Variants in UNC79 observed in about 807,000 individuals in gnomAD.
UNC79 encodes the protein unc-79 subunit of NALCN channel complex.
In UNC79, 37 loss-of-function variants were observed where a neutral mutation model predicts 283.1. The observed-to-expected ratio is 0.13, with a 90% CI of 0.10 to 0.17. UNC79 has a LOEUF of 0.17. Among genes scored for constraint, UNC79 ranks in the 10% least tolerant of loss-of-function variants. The pLI, the probability that UNC79 is intolerant of heterozygous loss-of-function variation, is 1.00. For missense variants in UNC79, 2,272 were observed against 3,211.1 expected (o/e 0.71, Z 7.07); for synonymous variants, 1,107 against 1,200.2 (o/e 0.92, Z 1.61).
At chr14:93,589,398 A>G (rs1376406645) in intron 22 of UNC79, among the ~76,000 whole-genome samples, 1 of 152,042 alleles carries the variant, frequency 6.6e-6, no homozygotes, top group East Asian at 1.9e-4. Flanking sequence ...AAGAGTATGG[A>G]AAAGAGGGCA....
At chr14:93,368,002 T>C (rs574890800) in intron 1 of UNC79, among the ~76,000 whole-genome samples, 2 of 152,258 alleles carry the variant, frequency 1.3e-5, no homozygotes, top group Non-Finnish European at 2.9e-5. Flanking sequence ...TTTACACATT[T>C]ATGTAAAATT....
At chr14:93,478,882 A>T (rs1487507101) in intron 4 of UNC79, among the ~76,000 whole-genome samples, 1 of 152,126 alleles carries the variant, frequency 6.6e-6, no homozygotes, top group Non-Finnish European at 1.5e-5. Context: ...ACATTTGCTT[A>T]TTTTTACAAT....
chr14:93,651,412 A>G (rs1420912457), intron 35 of UNC79, among the ~76,000 whole-genome samples: 2 of 152,190 alleles, frequency 1.3e-5, no homozygotes, highest in South Asian at 2.1e-4. Flanking sequence ...TGAACATGGT[A>G]TATATCTCAT....
At chr14:93,636,907 G>A (rs748414122) in intron 31 of UNC79, among the ~76,000 whole-genome samples, 4 of 152,052 alleles carry the variant, frequency 2.6e-5, no homozygotes, top group Admixed American at 6.5e-5. Context: ...TTAGCCTTTC[G>A]TTTCCTATCT....
At chr14:93,665,889 C>T (rs2072146326) in intron 40 of UNC79, among the ~76,000 whole-genome samples, 1 of 151,624 alleles carries the variant, frequency 6.6e-6, no homozygotes, top group Non-Finnish European at 1.5e-5. Context: ...GGAAAGTGAA[C>T]CAAGAAGGAA....
At position 93,503,636 on chromosome 14, in the gene UNC79, C is replaced by T. The variant is rs574678898; in HGVS notation, c.898+6350C>T. ...AGAAGTATCTTATGATTATAATTTG[C>T]ATTTCCCTGATTACTAGTGAAGCTG... is the stretch of plus-strand genomic sequence containing the variant. On this transcript the variant is annotated intron_variant, in intron 7 of 48. Coordinates refer to ENST00000555664, the Ensembl canonical transcript of UNC79. Among the ~76,000 whole-genome samples, 15 of 152,120 alleles carry T rather than the reference C, an allele frequency of 9.9e-5. No homozygotes were observed. In the East Asian group the frequency reaches 2.7e-3, roughly 27 times the overall value.
At chr14:93,358,587 A>G (rs2054157978) in intron 1 of UNC79, among the ~76,000 whole-genome samples, 1 of 152,048 alleles carries the variant, frequency 6.6e-6, no homozygotes. Context: ...AAAGAATGGG[A>G]CCCTGCAACT....
At chr14:93,432,184 A>G (rs926774879) in intron 1 of UNC79, among the ~76,000 whole-genome samples, 1 of 152,256 alleles carries the variant, frequency 6.6e-6, no homozygotes, top group Non-Finnish European at 1.5e-5. Context: ...TATCTTATAT[A>G]TGATAAAATG....
chr14:93,362,314 C>A lies in UNC79; in HGVS notation c.-351+28791C>A, dbSNP rs558543044. The stretch of plus-strand genomic sequence containing the variant: ...TAATTCAGCTATGAATCCATCTGGT[C>A]CAGGGATTCTTATGGTTGGTAGGTT... On this transcript the variant is annotated intron_variant, in intron 1 of 49. Transcript: ENST00000256339. Among the ~76,000 whole-genome samples, 4 of 152,062 alleles carry A rather than the reference C, an allele frequency of 2.6e-5. No homozygotes were observed. The East Asian group carries it at 7.7e-4, about 29-fold the overall frequency.
chr14:93,521,168 C>T (rs2060302853), intron 7 of UNC79, among the ~76,000 whole-genome samples: 1 of 151,914 alleles, frequency 6.6e-6, no homozygotes, highest in Non-Finnish European at 1.5e-5. Context: ...AAATGACCCT[C>T]CTAAAGTTTC....
chr14:93,677,532 T>C (rs1193184518), intron 41 of UNC79, among the ~76,000 whole-genome samples: 2 of 152,208 alleles, frequency 1.3e-5, no homozygotes, highest in South Asian at 4.1e-4. Flanking sequence ...CACCATTCAA[T>C]TATCTCCACC....
Position 93,531,633 on chromosome 14 carries a change from GA to G in UNC79, c.1094-916del, listed in dbSNP as rs2060826950. ...AGCTGGTTTTACACACACACGTTAA[GA>G]GTGATATAAATTGATAATTTAAATC... On this transcript the variant is annotated intron_variant, in intron 10 of 48. Coordinates refer to ENST00000555664, the Ensembl canonical transcript of UNC79. The surrounding 1 kb of genome is among the most constrained non-coding windows in gnomAD (Gnocchi z 4.2). 1.3e-5 allele frequency among the ~76,000 whole-genome samples: 2 copies of G among 152,334 alleles called. No homozygotes were observed. Among genetic ancestry groups the G allele is most frequent in the Admixed American group, 6.5e-5 (1 of 15,302 alleles).
At chr14:93,608,642 A>T (rs2066062994) in intron 26 of UNC79, among the ~76,000 whole-genome samples, 1 of 152,178 alleles carries the variant, frequency 6.6e-6, no homozygotes, top group African/African-American at 2.4e-5. Context: ...GTGCTTACTC[A>T]TTGGCTGCCC....
intron 5 of UNC79, among the ~76,000 whole-genome samples, chr14:93,493,001 G>A (rs533003045): frequency 6.6e-6 from 1 of 152,252 alleles, no homozygotes; most frequent in South Asian, 2.1e-4. Flanking sequence ...GTTGAGAGGC[G>A]AGAAGACAAT....
At position 93,647,130 on chromosome 14, in the gene UNC79, A is replaced by C. The variant is rs545806177; in HGVS notation, c.6083+484A>C. ...ATATTTGCACAAATTTATAATTGTA[A>C]ACTGTGCTAAGTGCTATGAAGAAAA... On this transcript the variant is annotated intron_variant, in intron 35 of 48. Transcript: ENST00000555664. 3.2e-3 allele frequency among the ~76,000 whole-genome samples: 480 copies of C among 152,340 alleles called. 1 individual carries two copies. Among genetic ancestry groups the C allele is most frequent in the Non-Finnish European group, 5.0e-3 (337 of 68,028 alleles).
intron 13 of UNC79, among the ~76,000 whole-genome samples, chr14:93,541,251 G>T (rs1347904019): frequency 2.0e-5 from 3 of 152,190 alleles, no homozygotes; most frequent in African/African-American, 7.2e-5. Context: ...TTCAGTCTCT[G>T]TGGAGCTTTT....
At chr14:93,340,208 C>G (rs538318518) in intron 1 of UNC79, among the ~76,000 whole-genome samples, 1 of 152,096 alleles carries the variant, frequency 6.6e-6, no homozygotes, top group Admixed American at 6.5e-5. Flanking sequence ...TTTGGTAGGC[C>G]AAGGTGGGCG....
At chr14:93,658,317 G>A (rs2071173391) in intron 38 of UNC79, among the ~76,000 whole-genome samples, 1 of 152,134 alleles carries the variant, frequency 6.6e-6, no homozygotes, top group South Asian at 2.1e-4. Context: ...CAACTTACTG[G>A]GCCTGATTTG....
intron 38 of UNC79, among the ~76,000 whole-genome samples, 176 bp from the exon 42 acceptor site, chr14:93,659,017 G>A (rs2071254287): frequency 6.6e-6 from 1 of 152,076 alleles, no homozygotes; most frequent in South Asian, 2.1e-4. Flanking sequence ...AATTAAAATT[G>A]TTTTAACCTG....
Sources: gnomAD v4.1 joint callset for allele counts (sites outside exome capture counted in the v4.1 genomes callset) on GRCh38, gnomAD v4.1.1 for gene constraint, Gnocchi (gnomAD v3.1) non-coding constraint, MANE v1.5 for transcripts, NCBI Gene and HGNC (gene_info 2026-07-23, HGNC 2026-07-21) for gene names.